Variants in GNA14 observed in about 807,000 individuals in gnomAD.
GNA14 encodes guanine nucleotide-binding protein subunit alpha-14.
Under a neutral mutation model 42.0 loss-of-function variants are expected in GNA14, and 50 were observed. That is an observed-to-expected ratio of 1.19 (90% CI 0.95 to 1.51). GNA14 has a LOEUF of 1.51. Ranked by LOEUF, GNA14 falls within the 40% of genes most tolerant of loss-of-function variation. The probability of loss-of-function intolerance (pLI) is 0.00; values close to 1 mark genes in which losing one functional copy is unlikely to be tolerated. For missense variants in GNA14, 473 were observed against 446.2 expected (o/e 1.06, Z -0.54); for synonymous variants, 173 against 163.1 (o/e 1.06, Z -0.46).
chr9:77,494,999 C>T (rs1441754177), intron 2 of GNA14, among the ~76,000 whole-genome samples: 1 of 152,116 alleles, frequency 6.6e-6, no homozygotes, highest in Non-Finnish European at 1.5e-5. Context: ...AGGGTTTTGC[C>T]ATGTTGGCCA....
At chr9:77,453,203 C>T (rs749475661) in intron 2 of GNA14, among the ~76,000 whole-genome samples, 5 of 152,214 alleles carry the variant, frequency 3.3e-5, no homozygotes, top group South Asian at 2.1e-4. Flanking sequence ...TTCCGCCATG[C>T]GAAGACACCA....
intron 2 of GNA14, among the ~76,000 whole-genome samples, chr9:77,440,117 G>C (rs1380626178): frequency 6.6e-6 from 1 of 152,246 alleles, no homozygotes; most frequent in African/African-American, 2.4e-5. Flanking sequence ...GCTCTCAAAA[G>C]TGAGCTCATA....
chr9:77,592,318 G>A (rs768754249), intron 1 of GNA14, among the ~76,000 whole-genome samples: 7 of 152,180 alleles, frequency 4.6e-5, no homozygotes, highest in Non-Finnish European at 7.3e-5. Context: ...GCTTACACGC[G>A]CATGTGTTAA....
chr9:77,609,519 A>G (rs1213673879), intron 1 of GNA14, among the ~76,000 whole-genome samples: 6 of 152,268 alleles, frequency 3.9e-5, no homozygotes, highest in Admixed American at 3.9e-4. Context: ...CCACATTTTT[A>G]GATATTTGCT....
Position 77,464,347 on chromosome 9 carries a change from GTA to G in GNA14, c.310-29827_310-29826del, listed in dbSNP as rs1363530625. 1.2e-3 allele frequency among the ~76,000 whole-genome samples: 141 copies of G among 117,744 alleles called. 2 individuals are homozygous for G. Among genetic ancestry groups the G allele is most frequent in the African/African-American group, 3.7e-3 (116 of 31,536 alleles). 77.2% of individuals were successfully genotyped at this position (117,744 alleles called of 152,430 possible). ...TGTATATATATGTGTGTGTGTGTGT[GTA>G]TATGTGTGTGTGTGTGTGTGTGTGT... On this transcript the variant is annotated intron_variant, in intron 2 of 6. Transcript: ENST00000341700.
At chr9:77,444,487 C>T (rs559774584) in intron 2 of GNA14, among the ~76,000 whole-genome samples, 1 of 152,290 alleles carries the variant, frequency 6.6e-6, no homozygotes, top group East Asian at 1.9e-4. Flanking sequence ...CCACTTCATC[C>T]CCCCAGAATC....
chr9:77,564,882 C>A (rs1822942488), intron 1 of GNA14, among the ~76,000 whole-genome samples: 2 of 152,056 alleles, frequency 1.3e-5, no homozygotes, highest in Admixed American at 1.3e-4. Flanking sequence ...TCTTTGGCCA[C>A]CTGCCCTGCT....
At chr9:77,540,559 G>A (rs1246309397) in intron 1 of GNA14, among the ~76,000 whole-genome samples, 6 of 152,140 alleles carry the variant, frequency 3.9e-5, no homozygotes, top group South Asian at 2.1e-4. Flanking sequence ...GTCTAACGAC[G>A]AGAGTGGAGT....
intron 2 of GNA14, among the ~76,000 whole-genome samples, chr9:77,436,045 C>T (rs868490578): frequency 6.6e-6 from 1 of 152,304 alleles, no homozygotes; most frequent in South Asian, 2.1e-4. Context: ...CGTTGTTCAT[C>T]CTTATAATTA....
chr9:77,585,208 C>T (rs757352027), intron 1 of GNA14, among the ~76,000 whole-genome samples: 25 of 152,098 alleles, frequency 1.6e-4, no homozygotes, highest in Non-Finnish European at 3.1e-4. Flanking sequence ...CCAGAATATG[C>T]CACCCCAAAA....
intron 1 of GNA14, among the ~76,000 whole-genome samples, chr9:77,592,530 T>A (rs1053442404): frequency 6.6e-6 from 1 of 152,174 alleles, no homozygotes; most frequent in African/African-American, 2.4e-5. Context: ...GCCGGGGTAG[T>A]GGCCACCCCT....
At chr9:77,497,154 G>T (rs1317374870) in intron 2 of GNA14, among the ~76,000 whole-genome samples, 1 of 152,156 alleles carries the variant, frequency 6.6e-6, no homozygotes, top group Non-Finnish European at 1.5e-5. Flanking sequence ...TCTCCACCCA[G>T]GACTCCACTG....
At chr9:77,584,859 A>ATAG (rs1823279523) in intron 1 of GNA14, among the ~76,000 whole-genome samples, 1 of 152,148 alleles carries the variant, frequency 6.6e-6, no homozygotes, top group South Asian at 2.1e-4. Flanking sequence ...CATATAGGGT[A>ATAG]ACTTCCTGAT....
At chr9:77,591,444 A>G (rs962228360) in intron 1 of GNA14, among the ~76,000 whole-genome samples, 3 of 152,204 alleles carry the variant, frequency 2.0e-5, no homozygotes, top group Non-Finnish European at 4.4e-5. Context: ...AGAGGGGCCA[A>G]CTATCCAGGC....
At chr9:77,602,599 T>C (rs1823584596) in intron 1 of GNA14, among the ~76,000 whole-genome samples, 1 of 151,094 alleles carries the variant, frequency 6.6e-6, no homozygotes, top group African/African-American at 2.4e-5. Context: ...TCTCCTCCTC[T>C]CCAGCATAGA....
intron 2 of GNA14, among the ~76,000 whole-genome samples, chr9:77,494,830 C>T (rs1392739950): frequency 6.6e-6 from 1 of 151,970 alleles, no homozygotes; most frequent in Non-Finnish European, 1.5e-5. Flanking sequence ...GATGGAGTCT[C>T]GCTTTGCTGC....
At chr9:77,428,485 C>T (rs1300004707) in intron 5 of GNA14, among the ~76,000 whole-genome samples, 1 of 152,052 alleles carries the variant, frequency 6.6e-6, no homozygotes, top group African/African-American at 2.4e-5. Context: ...AGTGGATTCA[C>T]CTGGGGTGCT....
chr9:77,565,141 A>G (rs1239144655), intron 1 of GNA14, among the ~76,000 whole-genome samples: 1 of 152,170 alleles, frequency 6.6e-6, no homozygotes, highest in Non-Finnish European at 1.5e-5. Flanking sequence ...ATTTGTATAC[A>G]TGTAGTACTT....
intron 2 of GNA14, among the ~76,000 whole-genome samples, chr9:77,458,208 G>A (rs1836040277): frequency 6.6e-6 from 1 of 152,190 alleles, no homozygotes; most frequent in Admixed American, 6.5e-5. Flanking sequence ...TGGAGCAGAG[G>A]CGACTGTCTT....
Sources: gnomAD v4.1 joint callset for allele counts (sites outside exome capture counted in the v4.1 genomes callset) on GRCh38, gnomAD v4.1.1 for gene constraint, MANE v1.5 for transcripts, NCBI Gene and HGNC (gene_info 2026-07-23, HGNC 2026-07-21) for gene names.